ZCCHC17: variants seen among roughly 807,000 people sequenced by gnomAD.
The protein encoded by ZCCHC17 is zinc finger CCHC-type containing 17.
Under a neutral mutation model 30.6 loss-of-function variants are expected in ZCCHC17, and 18 were observed. The ratio of observed to expected loss-of-function variants is 0.59; its 90% CI spans 0.41 to 0.87. The LOEUF (loss-of-function observed/expected upper bound fraction) is 0.87, where lower values mean the gene tolerates loss of function less well. Ranked by LOEUF, ZCCHC17 falls within the 40% of genes least tolerant of loss-of-function variation. The pLI is 0.00. For synonymous variants in ZCCHC17, 88 were observed against 92.4 expected (o/e 0.95, Z 0.27); for missense variants, 263 against 284.2 (o/e 0.93, Z 0.54).
At chr1:31,336,527 T>G (rs1056745705) in intron 3 of ZCCHC17, among the ~76,000 whole-genome samples, 1 of 152,224 alleles carries the variant, frequency 6.6e-6, no homozygotes, top group Non-Finnish European at 1.5e-5. Context: ...AAATAAGATT[T>G]ACAATATTTA....
intron 2 of ZCCHC17, among the ~76,000 whole-genome samples, chr1:31,312,461 C>G (rs1646628562): frequency 6.6e-6 from 1 of 150,420 alleles, no homozygotes; most frequent in Non-Finnish European, 1.5e-5. Context: ...GTTTCAAGAG[C>G]AGAGGCTTTG....
intron 3 of ZCCHC17, among the ~76,000 whole-genome samples, chr1:31,334,912 TTTTTCC>T (rs1638753167): frequency 6.6e-6 from 1 of 152,222 alleles, no homozygotes; most frequent in South Asian, 2.1e-4. Flanking sequence ...AAGCATATAG[TTTTTCC>T]TATGTATAAA....
intron 2 of ZCCHC17, among the ~76,000 whole-genome samples, chr1:31,312,671 A>G (rs960517431): frequency 2.6e-5 from 4 of 152,208 alleles, no homozygotes; most frequent in Admixed American, 1.3e-4. Flanking sequence ...CCTGAGACAT[A>G]GTAGGAATTA....
At chr1:31,305,988 A>T (rs1646446165) in intron 1 of ZCCHC17, among the ~76,000 whole-genome samples, 1 of 152,134 alleles carries the variant, frequency 6.6e-6, no homozygotes, top group Non-Finnish European at 1.5e-5. Flanking sequence ...GTTGCTATCA[A>T]TTGGAAGACG....
At chr1:31,360,072 C>T (rs1456136508) in intron 7 of ZCCHC17, among the ~76,000 whole-genome samples, 1 of 152,174 alleles carries the variant, frequency 6.6e-6, no homozygotes, top group African/African-American at 2.4e-5. Flanking sequence ...CCTCTGCCTC[C>T]GGGTTCAAGC....
intron 1 of ZCCHC17, among the ~76,000 whole-genome samples, chr1:31,304,840 C>G (rs968827957): frequency 4.6e-5 from 7 of 152,322 alleles, no homozygotes; most frequent in Admixed American, 3.3e-4. Context: ...CGTGATCCAC[C>G]TGCCTCAGCC....
chr1:31,302,277 T>G (rs535963305), intron 1 of ZCCHC17, among the ~76,000 whole-genome samples: 1 of 151,474 alleles, frequency 6.6e-6, no homozygotes, highest in East Asian at 2.0e-4. Flanking sequence ...TCCAACATAT[T>G]AAATGGGACC....
chr1:31,308,336 A>C (rs1646516747), intron 1 of ZCCHC17, among the ~76,000 whole-genome samples: 1 of 152,180 alleles, frequency 6.6e-6, no homozygotes, highest in Non-Finnish European at 1.5e-5. Context: ...GAGCTGTGGG[A>C]TAATACTAGA....
intron 7 of ZCCHC17, among the ~76,000 whole-genome samples, chr1:31,356,528 C>A (rs934487218): frequency 1.2e-4 from 19 of 152,348 alleles, no homozygotes; most frequent in African/African-American, 4.6e-4. Flanking sequence ...CATGCACTAA[C>A]TACCTGTGAA....
rs1341390959 is a variant in ZCCHC17 at position 31,364,777 on chromosome 1, T to C, written c.*584T>C. The C allele has an allele frequency of 6.5e-6, 1 of 152,912 alleles. No individual in the cohort carries two copies. The highest frequency in any genetic ancestry group is 2.4e-5 in the African/African-American group (1 of 41,452). The allele number at this position is 152,912 out of a possible 1,614,324, so 9.5% of individuals were successfully genotyped here. ...CACAGCTAGAAAACAGTCTGCAGTG[T>C]GACTTAACTTGTGTATTGCATTCCA... is the stretch of plus-strand genomic sequence containing the variant. On this transcript the variant is annotated 3_prime_UTR_variant, in exon 8 of 8. Coordinates refer to ENST00000344147, the MANE Select transcript of ZCCHC17 (RefSeq NM_016505.4).
At chr1:31,350,401 A>G (rs1639429983) in intron 7 of ZCCHC17, among the ~76,000 whole-genome samples, 1 of 152,038 alleles carries the variant, frequency 6.6e-6, no homozygotes, top group Admixed American at 6.5e-5. Flanking sequence ...TTAGCCAAGT[A>G]TATGAATAAT....
At chr1:31,357,913 G>A (rs770011861) in intron 7 of ZCCHC17, among the ~76,000 whole-genome samples, 3 of 152,048 alleles carry the variant, frequency 2.0e-5, no homozygotes, top group African/African-American at 7.2e-5. Flanking sequence ...GCACCACCAC[G>A]CCCAGCTGAT....
chr1:31,344,939 A>G (rs969620899), intron 5 of ZCCHC17, among the ~76,000 whole-genome samples: 3 of 150,934 alleles, frequency 2.0e-5, no homozygotes, highest in Non-Finnish European at 2.9e-5. Context: ...GCTCACTGCA[A>G]CCTCAATCTT....
At chr1:31,336,470 C>T (rs1353605900) in intron 3 of ZCCHC17, among the ~76,000 whole-genome samples, 1 of 152,114 alleles carries the variant, frequency 6.6e-6, no homozygotes, top group Non-Finnish European at 1.5e-5. Context: ...CACATCTTTA[C>T]TAATATGGAG....
chr1:31,334,337 C>CTCTGTG (rs1284223463), intron 3 of ZCCHC17, among the ~76,000 whole-genome samples: 4 of 85,610 alleles, frequency 4.7e-5, no homozygotes, highest in African/African-American at 2.0e-4. Flanking sequence ...CTCTCTCTCT[C>CTCTGTG]TGTGTGTGTG....
At chr1:31,341,943 G>A (rs1397504016) in intron 5 of ZCCHC17, among the ~76,000 whole-genome samples, 1 of 152,138 alleles carries the variant, frequency 6.6e-6, no homozygotes, top group African/African-American at 2.4e-5. Context: ...ATACTATGGT[G>A]TACGGAACCA....
At chr1:31,309,584 T>G (rs1218405894) in intron 1 of ZCCHC17, among the ~76,000 whole-genome samples, 1 of 152,180 alleles carries the variant, frequency 6.6e-6, no homozygotes, top group African/African-American at 2.4e-5. Context: ...AGTGCTGGGA[T>G]TACAGGTGTG....
At chr1:31,359,620 T>TA (rs1639789163) in intron 7 of ZCCHC17, among the ~76,000 whole-genome samples, 1 of 152,228 alleles carries the variant, frequency 6.6e-6, no homozygotes, top group Non-Finnish European at 1.5e-5. Flanking sequence ...ATTTTTGTTT[T>TA]TCTGTCACAC....
chr1:31,354,611 G>A (rs374884455), intron 7 of ZCCHC17, among the ~76,000 whole-genome samples: 6 of 152,138 alleles, frequency 3.9e-5, no homozygotes, highest in Admixed American at 6.5e-5. Flanking sequence ...CCTAAAGAGG[G>A]TATATGGATA....
Sources: allele counts gnomAD v4.1 joint callset (sites outside exome capture counted in the v4.1 genomes callset), GRCh38; gene constraint gnomAD v4.1.1; transcripts MANE v1.5; gene names NCBI Gene and HGNC (gene_info 2026-07-23, HGNC 2026-07-21).